Variants in CSMD1 observed in about 807,000 individuals in gnomAD.
CSMD1 encodes the protein CUB and sushi domain-containing protein 1.
A neutral mutation model predicts 417.5 loss-of-function variants in CSMD1; 213 were observed. That is an observed-to-expected ratio of 0.51 (90% confidence interval 0.46 to 0.57). CSMD1 has a LOEUF of 0.57. CSMD1 is among the 20% of genes least tolerant of loss of function. The pLI, the probability that CSMD1 is intolerant of heterozygous loss-of-function variation, is 0.00. For missense variants in CSMD1, 6,923 were observed against 4,529.7 expected, an observed-to-expected ratio of 1.53 and a Z score of -15.17; for synonymous variants, 2,862 against 1,736.8, an observed-to-expected ratio of 1.65 and a Z score of -16.11.
chr8:2,963,372 G>C lies in CSMD1; in HGVS notation c.9304C>G (p.Pro3102Ala). 6.2e-7 allele frequency: 1 copy of C among 1,613,888 alleles called. No homozygotes were observed. The highest frequency in any genetic ancestry group is 8.5e-7 in the Non-Finnish European group (1 of 1,179,826). Residue 3102 changes from proline to alanine, a missense_variant, in exon 60 of 70, where the codon CCG (proline) becomes GCG (alanine). Transcript: ENST00000635120. ...CCCTCCACTGTTCCATTCTGCACCG[G>C]CGGCGGCTGAGGACACAGCACGGCT... Reference protein sequence around the residue: ...CKAVLCPQPPPVQNGTVEGSD... With the variant: ...CKAVLCPQPPAVQNGTVEGSD...
chr8:3,815,025 G>T (rs1409012153), intron 5 of CSMD1, among the ~76,000 whole-genome samples: 1 of 152,232 alleles, frequency 6.6e-6, no homozygotes, highest in African/African-American at 2.4e-5. Flanking sequence ...ACTAAACTAA[G>T]CAATGGTAGA....
chr8:4,701,589 T>A (rs1050721522), intron 1 of CSMD1, among the ~76,000 whole-genome samples: 1 of 152,122 alleles, frequency 6.6e-6, no homozygotes. Flanking sequence ...TAGCTGTTGA[T>A]CACAAGACTC....
chr8:3,921,067 G>C (rs930197940), intron 5 of CSMD1, among the ~76,000 whole-genome samples: 1 of 152,070 alleles, frequency 6.6e-6, no homozygotes, highest in Non-Finnish European at 1.5e-5. Context: ...TTAAATGTTC[G>C]ATAAAATTTA....
At chr8:3,547,152 T>C (rs1798701981) in intron 10 of CSMD1, among the ~76,000 whole-genome samples, 1 of 152,184 alleles carries the variant, frequency 6.6e-6, no homozygotes, top group Non-Finnish European at 1.5e-5. Flanking sequence ...GGACAAGCTC[T>C]GGGCTTGGCA....
In CSMD1 at chr8:4,637,502, A is replaced by C; in HGVS notation, c.142T>G (p.Phe48Val). 1 of 1,613,820 alleles carries C rather than the reference A, an allele frequency of 6.2e-7. No homozygotes were observed. The highest frequency in any genetic ancestry group is 1.1e-5 in the South Asian group (1 of 91,068). Residue 48 changes from phenylalanine to valine, a missense_variant, in exon 2 of 70, where the codon TTT becomes GTT. Transcript: ENST00000635120. Reference protein sequence around the residue: ...GPNGTIESPGFPHGYPNYANC... With the variant: ...GPNGTIESPGVPHGYPNYANC... ...GCATAGTTCGGATACCCGTGAGGAA[A>C]CCCTGGGCTCTCAATAGTGCCATTG...
At chr8:3,425,744 A>G (rs1433993324) in intron 12 of CSMD1, among the ~76,000 whole-genome samples, 1 of 152,178 alleles carries the variant, frequency 6.6e-6, no homozygotes, top group East Asian at 1.9e-4. Context: ...AGGTTCGGAT[A>G]CCCTTTTTCT....
intron 2 of CSMD1, among the ~76,000 whole-genome samples, chr8:4,451,101 G>C (rs986927324): frequency 6.6e-6 from 1 of 152,136 alleles, no homozygotes; most frequent in South Asian, 2.1e-4. Flanking sequence ...CAAGGCAGGA[G>C]GATTACTCCT....
chr8:3,231,620 A>G (rs1245347151), intron 26 of CSMD1, among the ~76,000 whole-genome samples: 2 of 151,032 alleles, frequency 1.3e-5, no homozygotes, highest in African/African-American at 4.9e-5. Context: ...TTATTCAGAC[A>G]TTTTTAACCT....
intron 10 of CSMD1, among the ~76,000 whole-genome samples, chr8:3,526,740 CT>C (rs1292669466): frequency 6.6e-6 from 1 of 152,198 alleles, no homozygotes; most frequent in East Asian, 1.9e-4. Context: ...CAATAAGTTA[CT>C]TACCCTCATT....
At chr8:3,347,078 T>TA (rs1263759842) in intron 22 of CSMD1, among the ~76,000 whole-genome samples, 1 of 152,202 alleles carries the variant, frequency 6.6e-6, no homozygotes, top group Non-Finnish European at 1.5e-5. Context: ...CTGATAAGCT[T>TA]AAAAAAATCA....
intron 3 of CSMD1, among the ~76,000 whole-genome samples, chr8:4,173,104 C>T (rs1318004288): frequency 1.3e-5 from 2 of 152,050 alleles, no homozygotes; most frequent in African/African-American, 4.8e-5. Flanking sequence ...TTGTATGAAC[C>T]ACACGGAGGA....
intron 6 of CSMD1, among the ~76,000 whole-genome samples, chr8:3,709,629 A>T (rs1801382076): frequency 6.9e-6 from 1 of 143,998 alleles, no homozygotes; most frequent in Non-Finnish European, 1.5e-5. Flanking sequence ...GATCTGCCCC[A>T]GTAGAGGCAA....
intron 5 of CSMD1, among the ~76,000 whole-genome samples, chr8:3,936,006 T>G (rs549021032): frequency 7.2e-5 from 11 of 152,168 alleles, no homozygotes; most frequent in African/African-American, 2.6e-4. Flanking sequence ...ATGCAAATGA[T>G]AAGAAAGGAA....
chr8:4,872,885 G>T (rs958412008), intron 1 of CSMD1, among the ~76,000 whole-genome samples: 1 of 151,984 alleles, frequency 6.6e-6, no homozygotes, highest in African/African-American at 2.4e-5. Context: ...TAGTACTGGC[G>T]AATACTTTGT....
chr8:4,141,536 A>T (rs781437895), intron 3 of CSMD1, among the ~76,000 whole-genome samples: 3 of 151,168 alleles, frequency 2.0e-5, no homozygotes, highest in African/African-American at 7.4e-5. Context: ...ACACATGTAC[A>T]AACAAAGGGG....
At chr8:4,855,009 T>A (rs1215848955) in intron 1 of CSMD1, among the ~76,000 whole-genome samples, 1 of 152,124 alleles carries the variant, frequency 6.6e-6, no homozygotes, top group Non-Finnish European at 1.5e-5. Context: ...GACTTAAATG[T>A]CCCTGTCTGA....
chr8:3,207,606 T>TATCCTTA (rs1797376772), intron 30 of CSMD1, among the ~76,000 whole-genome samples: 1 of 152,152 alleles, frequency 6.6e-6, no homozygotes, highest in Non-Finnish European at 1.5e-5. Context: ...TAAGGCAACT[T>TATCCTTA]GTTAATGATT....
intron 5 of CSMD1, among the ~76,000 whole-genome samples, chr8:3,849,828 G>GTTTTTC (rs1202067522): frequency 2.6e-5 from 4 of 152,052 alleles, no homozygotes; most frequent in South Asian, 2.1e-4. Context: ...TTTGGTTTTT[G>GTTTTTC]TTTTTGTGAT....
intron 12 of CSMD1, among the ~76,000 whole-genome samples, chr8:3,456,785 C>A (rs6998486): frequency 0.1 from 15,946 of 151,986 alleles, 1,513 homozygotes; most frequent in East Asian, 0.34. Flanking sequence ...ATCCCCATTG[C>A]CCATTATAGA....
Sources: allele counts gnomAD v4.1 joint callset (sites outside exome capture counted in the v4.1 genomes callset), GRCh38; gene constraint gnomAD v4.1.1; transcripts MANE v1.5; gene names NCBI Gene and HGNC (gene_info 2026-07-23, HGNC 2026-07-21).